Variants in SMOC2 observed in about 807,000 individuals in gnomAD.
The protein encoded by SMOC2 is SPARC related modular calcium binding 2, also known as SPARC-related modular calcium-binding protein 2.
In SMOC2, 39 loss-of-function variants were observed where a neutral mutation model predicts 61.4. The observed-to-expected ratio is 0.64, with a 90% CI of 0.49 to 0.83. SMOC2 has a LOEUF of 0.83. Ranked by LOEUF, SMOC2 falls within the 40% of genes least tolerant of loss-of-function variation. SMOC2 has a pLI of 0.00. For missense variants in SMOC2, 556 were observed against 592.9 expected, an observed-to-expected ratio of 0.94 and a Z score of 0.65; for synonymous variants, 247 against 239.9, an observed-to-expected ratio of 1.03 and a Z score of -0.27.
chr6:168,607,028 C>T (rs1785711882), intron 8 of SMOC2, among the ~76,000 whole-genome samples: 1 of 152,000 alleles, frequency 6.6e-6, no homozygotes, highest in Non-Finnish European at 1.5e-5. Flanking sequence ...TGGGGTCCTG[C>T]GAGTCCACAG....
chr6:168,519,707 G>A (rs1304847466), intron 2 of SMOC2, among the ~76,000 whole-genome samples: 3 of 152,120 alleles, frequency 2.0e-5, no homozygotes, highest in African/African-American at 4.8e-5. Flanking sequence ...TCTGCCCTCT[G>A]GAAGGTTCTA....
intron 7 of SMOC2, among the ~76,000 whole-genome samples, chr6:168,586,551 A>T (rs1015846651): frequency 1.3e-5 from 2 of 152,330 alleles, no homozygotes; most frequent in Non-Finnish European, 2.9e-5. Context: ...TAGGAATTAT[A>T]TGGGATCCAC....
intron 1 of SMOC2, among the ~76,000 whole-genome samples, chr6:168,481,565 TTAAC>T (rs975247983): frequency 2.2e-4 from 33 of 151,938 alleles, no homozygotes; most frequent in Admixed American, 1.6e-3. Flanking sequence ...CTACAAATAG[TTAAC>T]TAATCACAAA....
chr6:168,530,639 C>A (rs1055559665), intron 4 of SMOC2, among the ~76,000 whole-genome samples: 2 of 10,122 alleles, frequency 2.0e-4, no homozygotes, highest in Non-Finnish European at 3.6e-4. Flanking sequence ...ACGGTGCAAC[C>A]CCCCCCCCCC....
intron 9 of SMOC2, among the ~76,000 whole-genome samples, chr6:168,615,470 C>T (rs1186263022): frequency 9.8e-6 from 1 of 102,240 alleles, no homozygotes; most frequent in African/African-American, 3.9e-5. Flanking sequence ...CCTCTTCACA[C>T]CTACAGCCAG....
At chr6:168,660,700 C>T (rs1787486029) in intron 11 of SMOC2, among the ~76,000 whole-genome samples, 1 of 152,222 alleles carries the variant, frequency 6.6e-6, no homozygotes, top group Non-Finnish European at 1.5e-5. Context: ...GCCACTCGCA[C>T]AGCCACAAGG....
chr6:168,554,512 T>A (rs1032203971), intron 7 of SMOC2, among the ~76,000 whole-genome samples: 1 of 152,038 alleles, frequency 6.6e-6, no homozygotes, highest in Non-Finnish European at 1.5e-5. Context: ...AGCCTGCCCC[T>A]GGAAGGGGTG....
At chr6:168,637,961 A>C (rs895039702) in intron 9 of SMOC2, among the ~76,000 whole-genome samples, 1 of 151,904 alleles carries the variant, frequency 6.6e-6, no homozygotes, top group Non-Finnish European at 1.5e-5. Context: ...AGCGGGAGCC[A>C]GGCGTGCCCC....
chr6:168,481,724 C>A (rs946140492), intron 1 of SMOC2, among the ~76,000 whole-genome samples: 36 of 151,802 alleles, frequency 2.4e-4, no homozygotes, highest in African/African-American at 8.5e-4. Context: ...AAGACAAAGA[C>A]TGTCAGAATG....
In SMOC2 at chr6:168,608,127, C is replaced by A. The variant is rs560753650; in HGVS notation, c.825-30C>A. The A allele has an allele frequency of 3.1e-6, 5 of 1,591,968 alleles. No individual in the cohort carries two copies. The African/African-American group carries it at 6.8e-5, about 21-fold the overall frequency. The stretch of plus-strand genomic sequence containing the variant: ...TGGTCTCAAGCCCGTTGTTTTCTCT[C>A]TCCTTCCCCCGCCTTCCCCCCGCCC... On this transcript the variant is annotated intron_variant, in intron 8 of 12. Coordinates refer to ENST00000356284, the MANE Select transcript of SMOC2 (RefSeq NM_001166412.2).
chr6:168,451,716 C>T (rs112649866), intron 1 of SMOC2, among the ~76,000 whole-genome samples: 23 of 152,260 alleles, frequency 1.5e-4, no homozygotes, highest in Middle Eastern at 3.4e-3. Context: ...TGAACATACA[C>T]GTCCGTTAAG....
chr6:168,581,533 C>T (rs765481439), intron 7 of SMOC2, among the ~76,000 whole-genome samples: 13 of 152,200 alleles, frequency 8.5e-5, no homozygotes, highest in South Asian at 2.1e-4. Context: ...ACATTCTTGC[C>T]GGGCGCATTT....
intron 2 of SMOC2, among the ~76,000 whole-genome samples, chr6:168,511,699 C>A (rs903769400): frequency 6.6e-6 from 1 of 152,162 alleles, no homozygotes; most frequent in Admixed American, 6.5e-5. Flanking sequence ...CAAACTCAAC[C>A]CCTATGCATT....
chr6:168,444,768 A>C (rs1781294084), intron 1 of SMOC2, among the ~76,000 whole-genome samples: 1 of 152,242 alleles, frequency 6.6e-6, no homozygotes, highest in Non-Finnish European at 1.5e-5. Context: ...TCAAAGAGCA[A>C]ACAGGCGTGA....
At chr6:168,572,312 C>A (rs62422470) in intron 7 of SMOC2, among the ~76,000 whole-genome samples, 2 of 17,568 alleles carry the variant, frequency 1.1e-4, no homozygotes, top group Non-Finnish European at 9.1e-5. Flanking sequence ...CCCGCATCCC[C>A]GGGTGCCGGG....
chr6:168,624,664 A>G (rs1024967867), intron 9 of SMOC2, among the ~76,000 whole-genome samples: 37 of 152,120 alleles, frequency 2.4e-4, no homozygotes, highest in African/African-American at 8.4e-4. Context: ...ACACAGACGC[A>G]CACACACACT....
chr6:168,664,280 G>A, intron 12 of SMOC2, 169 bp downstream of exon 12: 2 of 665,726 alleles, frequency 3.0e-6, no homozygotes, highest in Non-Finnish European at 5.3e-6. Flanking sequence ...GACTAAAGCA[G>A]CCTTGCCGAA....
At position 168,509,965 on chromosome 6, in the gene SMOC2, G is replaced by T. The variant is rs373830622; in HGVS notation, c.135G>T (p.Ala45=). 2 of 1,614,040 alleles carry T rather than the reference G, an allele frequency of 1.2e-6. No individual in the cohort carries two copies. The highest frequency in any genetic ancestry group is 1.7e-6 in the Non-Finnish European group (2 of 1,180,036). Residue 45 remains alanine (A), a synonymous_variant, in exon 2 of 13, where the codon GCG becomes GCT. Transcript: ENST00000356284. ...DKDKDCSLDC[A]GSPQKPLCAS... ...ACAAGGATTGTAGCTTGGACTGTGC[G>T]GGTTCGCCCCAGAAACCTCTCTGCG...
At position 168,506,898 on chromosome 6, in the gene SMOC2, G is replaced by T. The variant is rs546126915; in HGVS notation, c.85-3017G>T. Among the ~76,000 whole-genome samples, 10 of 152,254 alleles carry T rather than the reference G, an allele frequency of 6.6e-5. 1 individual carries two copies. The South Asian group carries it at 1.7e-3, about 25-fold the overall frequency. The stretch of plus-strand genomic sequence containing the variant: ...ATAGGAATATTTATTTTTCTTGAAT[G>T]GGCTGTTTATTAATGAGCACAACTT... On this transcript the variant is annotated intron_variant, in intron 1 of 12. Coordinates refer to ENST00000356284, the MANE Select transcript of SMOC2 (RefSeq NM_001166412.2).
Sources: allele counts gnomAD v4.1 joint callset (sites outside exome capture counted in the v4.1 genomes callset), GRCh38; gene constraint gnomAD v4.1.1; transcripts MANE v1.5; gene names NCBI Gene and HGNC (gene_info 2026-07-23, HGNC 2026-07-21).